RALY: variants seen among roughly 807,000 people sequenced by gnomAD.
RALY encodes RNA-binding protein Raly.
RALY carries 15 observed loss-of-function variants against 30.7 expected under a neutral mutation model. That is an observed-to-expected ratio of 0.49 (90% CI 0.33 to 0.75). RALY has a LOEUF of 0.75. Ranked by LOEUF, RALY falls within the 30% of genes least tolerant of loss-of-function variation. The pLI is 0.02. For synonymous variants in RALY, 177 were observed against 170.8 expected, an observed-to-expected ratio of 1.04 and a Z score of -0.28; for missense variants, 339 against 414.3, an observed-to-expected ratio of 0.82 and a Z score of 1.58.
intron 2 of RALY, among the ~76,000 whole-genome samples, chr20:34,062,603 G>A (rs1047852855): frequency 6.6e-5 from 10 of 152,236 alleles, no homozygotes; most frequent in Non-Finnish European, 1.3e-4. Flanking sequence ...GCCTGGAGCA[G>A]GGTTTTCCTT....
At chr20:33,998,633 T>G (rs1291720103) in intron 1 of RALY, among the ~76,000 whole-genome samples, 1 of 151,918 alleles carries the variant, frequency 6.6e-6, no homozygotes, top group East Asian at 1.9e-4. Context: ...CTTGCCTGTG[T>G]TGAGGAGTTT....
chr20:34,071,410 T>G (rs2033722756), intron 2 of RALY, among the ~76,000 whole-genome samples: 1 of 152,010 alleles, frequency 6.6e-6, no homozygotes, highest in South Asian at 2.1e-4. Context: ...CCCGAGTAGC[T>G]GGGATTACAG....
At chr20:34,021,753 C>T (rs960221539) in intron 1 of RALY, among the ~76,000 whole-genome samples, 5 of 151,866 alleles carry the variant, frequency 3.3e-5, no homozygotes, top group Admixed American at 3.3e-4. Flanking sequence ...CTCAGAAGTT[C>T]GGGTGAATAT....
chr20:34,021,349 TC>T (rs1316804465), intron 1 of RALY, among the ~76,000 whole-genome samples: 1 of 152,214 alleles, frequency 6.6e-6, no homozygotes, highest in Non-Finnish European at 1.5e-5. Flanking sequence ...TTTGTTTGGC[TC>T]ATGCTTCTGG....
At chr20:34,067,223 C>T (rs528452655) in intron 2 of RALY, among the ~76,000 whole-genome samples, 2 of 152,252 alleles carry the variant, frequency 1.3e-5, no homozygotes, top group East Asian at 3.9e-4. Context: ...GACGGAAAGT[C>T]TCGCTCTGTC....
At chr20:34,004,093 A>G (rs955033757) in intron 1 of RALY, among the ~76,000 whole-genome samples, 1 of 152,194 alleles carries the variant, frequency 6.6e-6, no homozygotes, top group Non-Finnish European at 1.5e-5. Context: ...GAACCATACT[A>G]TGAATTCTCA....
intron 1 of RALY, among the ~76,000 whole-genome samples, chr20:34,027,204 AG>A (rs1226925473): frequency 6.6e-6 from 1 of 152,200 alleles, no homozygotes; most frequent in Non-Finnish European, 1.5e-5. Context: ...GTAATAAGTA[AG>A]GCAGATCATG....
chr20:34,073,680 C>G lies in RALY; in HGVS notation c.329+45C>G, dbSNP rs1320220383. ...TGTCTGTCTGGTGGGATGACTCTCT[C>G]TTTCCACAGAGGGAGTAAATGCTGG... On this transcript the variant is annotated intron_variant, in intron 4 of 9. Transcript: ENST00000246194. 1.9e-6 allele frequency: 3 copies of G among 1,546,724 alleles called. No individual in the cohort carries two copies. The African/African-American group carries it at 4.1e-5, about 21-fold the overall frequency.
intron 2 of RALY, among the ~76,000 whole-genome samples, chr20:34,051,918 A>G (rs115971330): frequency 2.0e-5 from 3 of 152,278 alleles, no homozygotes; most frequent in African/African-American, 7.2e-5. Flanking sequence ...TACTTTCACT[A>G]CAGTAAAATG....
At chr20:34,021,834 CTT>C (rs1229852121) in intron 1 of RALY, among the ~76,000 whole-genome samples, 4 of 151,666 alleles carry the variant, frequency 2.6e-5, no homozygotes, top group African/African-American at 7.3e-5. Flanking sequence ...AGACGGAACT[CTT>C]TTTAAAAAAT....
rs188815265 is a variant in RALY, at chr20:33,995,073, C to T, written c.-93+942C>T. On this transcript the variant is annotated intron_variant, in intron 1 of 9. Transcript: ENST00000246194. ...TCTCTTAGTGCAGAGGGTATTTTTACCTAGCCTTGGGTCACACCATTTAAT... is the reference window on the plus strand; with the variant it reads ...TCTCTTAGTGCAGAGGGTATTTTTATCTAGCCTTGGGTCACACCATTTAAT... Among the ~76,000 whole-genome samples, 97 of 152,306 alleles carry T rather than the reference C, an allele frequency of 6.4e-4. 1 individual carries two copies. The Middle Eastern group carries it at 0.01, about 16-fold the overall frequency.
At chr20:34,051,678 C>T (rs1275647517) in intron 2 of RALY, among the ~76,000 whole-genome samples, 1 of 152,146 alleles carries the variant, frequency 6.6e-6, no homozygotes, top group East Asian at 1.9e-4. Flanking sequence ...TCACTGCAAG[C>T]TCCGCCCCCT....
intron 2 of RALY, among the ~76,000 whole-genome samples, chr20:34,031,931 C>T (rs778915759): frequency 1.3e-5 from 2 of 152,160 alleles, no homozygotes; most frequent in Non-Finnish European, 2.9e-5. Context: ...TACCTGTCCT[C>T]TCACAAGCTC....
chr20:34,017,978 G>C (rs1238954036), intron 1 of RALY, among the ~76,000 whole-genome samples: 1 of 152,192 alleles, frequency 6.6e-6, no homozygotes, highest in Non-Finnish European at 1.5e-5. Context: ...ATGAATGGGG[G>C]TTCTCCTAGG....
At chr20:34,004,901 G>C (rs995576434) in intron 1 of RALY, among the ~76,000 whole-genome samples, 9 of 152,106 alleles carry the variant, frequency 5.9e-5, no homozygotes, top group African/African-American at 2.2e-4. Context: ...ACCCTAGCTG[G>C]GTGTTTATTT....
At chr20:34,076,238 G>GA in intron 6 of RALY, 198 bp downstream of exon 6, 1 of 707,596 alleles carries the variant, frequency 1.4e-6, no homozygotes, top group Non-Finnish European at 2.3e-6. Context: ...GTTGGGCACA[G>GA]AGAGTCCAGT....
rs117921565 is a variant in RALY at position 34,040,543 on chromosome 20, A to G, written c.-10+8939A>G. Among the ~76,000 whole-genome samples, 902 of 152,312 alleles carry G rather than the reference A, an allele frequency of 5.9e-3. 5 individuals carry two copies. The highest frequency in any genetic ancestry group is 0.037 in the Middle Eastern group (11 of 294). On this transcript the variant is annotated intron_variant, in intron 2 of 9. Transcript: ENST00000246194. ...CCATTCCGAGCCACTCACAGCTCTG[A>G]TCTGCTGCTGGCTGGGGTTCATCCC...
chr20:34,050,765 A>G (rs544793137), intron 2 of RALY, among the ~76,000 whole-genome samples: 4 of 152,208 alleles, frequency 2.6e-5, no homozygotes, highest in East Asian at 1.9e-4. Flanking sequence ...CTTTGGACCT[A>G]TTTCCCAGCC....
At chr20:34,062,353 C>T (rs1165146443) in intron 2 of RALY, among the ~76,000 whole-genome samples, 1 of 152,230 alleles carries the variant, frequency 6.6e-6, no homozygotes, top group Non-Finnish European at 1.5e-5. Context: ...GACAGCATGA[C>T]CTTATTTCCT....
Sources: allele counts gnomAD v4.1 joint callset (sites outside exome capture counted in the v4.1 genomes callset), GRCh38; gene constraint gnomAD v4.1.1; transcripts MANE v1.5; gene names NCBI Gene and HGNC (gene_info 2026-07-23, HGNC 2026-07-21).